Variants in RIN2 observed in about 807,000 individuals in gnomAD.
RIN2 encodes the protein RAB5 interacting protein 2.
A neutral mutation model predicts 78.0 loss-of-function variants in RIN2; 36 were observed. The ratio of observed to expected loss-of-function variants is 0.46; its 90% confidence interval spans 0.35 to 0.61. The LOEUF (loss-of-function observed/expected upper bound fraction) is 0.61, where lower values mean the gene tolerates loss of function less well. RIN2 is among the 20% of genes least tolerant of loss of function. The pLI is 0.00. For missense variants in RIN2, 1,087 were observed against 1,159.7 expected, an observed-to-expected ratio of 0.94 and a Z score of 0.91; for synonymous variants, 466 against 466.8, an observed-to-expected ratio of 1.00 and a Z score of 0.02.
intron 1 of RIN2, among the ~76,000 whole-genome samples, chr20:19,788,400 G>A (rs74407759): frequency 0.04 from 5,559 of 140,448 alleles, 402 homozygotes; most frequent in African/African-American, 0.15. Flanking sequence ...TTCAAGACTA[G>A]CCTGGCCAAC....
intron 2 of RIN2, among the ~76,000 whole-genome samples, chr20:19,825,783 CCT>C (rs1412780677): frequency 5.3e-5 from 8 of 152,196 alleles, no homozygotes; most frequent in Non-Finnish European, 1.0e-4. Flanking sequence ...CTCAGTGCAC[CCT>C]CAAGCGATGT....
At chr20:19,982,523 A>T (rs550331965) in intron 9 of RIN2, among the ~76,000 whole-genome samples, 1 of 152,330 alleles carries the variant, frequency 6.6e-6, no homozygotes, top group South Asian at 2.1e-4. Context: ...GCTGAAAGTC[A>T]GGGGCGAGTG....
At chr20:19,965,157 G>C (rs995099994) in intron 7 of RIN2, 133 bp downstream of exon 7, 3 of 729,336 alleles carry the variant, frequency 4.1e-6, no homozygotes, top group African/African-American at 3.5e-5. Context: ...GGTTACTTAA[G>C]TAAAATGTTC....
intron 4 of RIN2, among the ~76,000 whole-genome samples, chr20:19,953,553 G>A (rs781117060): frequency 3.9e-5 from 6 of 151,962 alleles, no homozygotes; most frequent in East Asian, 1.9e-4. Flanking sequence ...CAATTCTCCC[G>A]CCCTAGCCTC....
At chr20:19,861,847 G>T (rs1346736346) in intron 2 of RIN2, among the ~76,000 whole-genome samples, 1 of 142,878 alleles carries the variant, frequency 7.0e-6, no homozygotes, top group Non-Finnish European at 1.5e-5. Flanking sequence ...CATATTCAAT[G>T]ATCACCCTCC....
At chr20:19,860,545 A>T (rs1014153914) in intron 2 of RIN2, among the ~76,000 whole-genome samples, 9 of 151,330 alleles carry the variant, frequency 5.9e-5, no homozygotes, top group Non-Finnish European at 8.8e-5. Context: ...CTCGTCTCGA[A>T]CTCCTGACCT....
chr20:19,890,613 A>T (rs994680316), intron 3 of RIN2, among the ~76,000 whole-genome samples: 1 of 129,712 alleles, frequency 7.7e-6, no homozygotes, highest in Non-Finnish European at 1.5e-5. Context: ...ATCTATTAAC[A>T]CTTATTTACA....
At position 19,911,518 on chromosome 20, in the gene RIN2, T is replaced by G. The variant is rs905120075; in HGVS notation, c.57+21860T>G. Among the ~76,000 whole-genome samples, 13 of 152,210 alleles carry G rather than the reference T, an allele frequency of 8.5e-5. 1 individual carries two copies. Among genetic ancestry groups the G allele is most frequent in the Admixed American group, 7.9e-4 (12 of 15,284 alleles). On this transcript the variant is annotated intron_variant, in intron 3 of 12. Transcript: ENST00000255006. Reference sequence around the variant, plus strand: ...ATTTCTGAGGAACAAGGACATTCTCTTGCACAAACAGTAAGTAAAAGACAC... The same window carrying G: ...ATTTCTGAGGAACAAGGACATTCTCGTGCACAAACAGTAAGTAAAAGACAC...
intron 2 of RIN2, among the ~76,000 whole-genome samples, chr20:19,800,028 C>T (rs931757979): frequency 6.6e-6 from 1 of 152,154 alleles, no homozygotes; most frequent in Non-Finnish European, 1.5e-5. Flanking sequence ...CATCATGGGC[C>T]AAGCACAGCT....
At chr20:19,950,116 TG>T (rs1568650480) in intron 4 of RIN2, among the ~76,000 whole-genome samples, 1 of 152,154 alleles carries the variant, frequency 6.6e-6, no homozygotes. Flanking sequence ...CCTTCCAAAG[TG>T]GATGGAATAT....
At chr20:19,947,229 G>A (rs1035145023) in intron 4 of RIN2, among the ~76,000 whole-genome samples, 2 of 152,200 alleles carry the variant, frequency 1.3e-5, no homozygotes, top group East Asian at 3.9e-4. Context: ...GGCTAGGCAT[G>A]GTGGCTTGTG....
At chr20:19,941,376 C>T (rs1335988740) in intron 4 of RIN2, among the ~76,000 whole-genome samples, 1 of 152,174 alleles carries the variant, frequency 6.6e-6, no homozygotes, top group East Asian at 1.9e-4. Flanking sequence ...AGTTCCACTT[C>T]CTTAAGTCTC....
At chr20:19,953,502 C>T (rs575361026) in intron 4 of RIN2, among the ~76,000 whole-genome samples, 47 of 151,820 alleles carry the variant, frequency 3.1e-4, no homozygotes, top group Non-Finnish European at 5.6e-4. Context: ...TGCAGTGGCA[C>T]GATCTCCACT....
chr20:19,994,088 TCTC>T (rs985261080), intron 11 of RIN2, among the ~76,000 whole-genome samples: 48 of 152,292 alleles, frequency 3.2e-4, no homozygotes, highest in African/African-American at 1.1e-3. Context: ...GTGGCTGTCT[TCTC>T]CTCCACGAAT....
chr20:19,992,397 A>G, intron 11 of RIN2, 98 bp downstream of exon 11: 2 of 1,198,848 alleles, frequency 1.7e-6, no homozygotes, highest in Middle Eastern at 2.4e-4. Context: ...TAATCATTTT[A>G]CAGTGAATAA....
intron 2 of RIN2, among the ~76,000 whole-genome samples, chr20:19,876,766 G>T (rs1001563042): frequency 6.6e-6 from 1 of 152,052 alleles, no homozygotes; most frequent in Non-Finnish European, 1.5e-5. Flanking sequence ...TTATCTGGGT[G>T]TGGTGGCGGG....
intron 11 of RIN2, among the ~76,000 whole-genome samples, chr20:19,992,812 A>G (rs2042837296): frequency 6.6e-6 from 1 of 152,254 alleles, no homozygotes; most frequent in African/African-American, 2.4e-5. Flanking sequence ...CATTGCCAGG[A>G]AAATAACCTG....
At chr20:19,968,287 G>A (rs191112827) in intron 7 of RIN2, among the ~76,000 whole-genome samples, 119 of 152,234 alleles carry the variant, frequency 7.8e-4, no homozygotes, top group Non-Finnish European at 1.5e-3. Context: ...AGAAATCTAC[G>A]TATAGAGCAA....
intron 2 of RIN2, among the ~76,000 whole-genome samples, chr20:19,833,716 C>T (rs78251614): frequency 1.7e-3 from 256 of 152,294 alleles, no homozygotes; most frequent in African/African-American, 5.7e-3. Flanking sequence ...GGTGCCCCAC[C>T]GTGTTAGGAG....
Sources: gnomAD v4.1 joint callset for allele counts (sites outside exome capture counted in the v4.1 genomes callset) on GRCh38, gnomAD v4.1.1 for gene constraint, MANE v1.5 for transcripts, NCBI Gene and HGNC (gene_info 2026-07-23, HGNC 2026-07-21) for gene names.